The following SREK1IP1 variants were observed in gnomAD, a reference collection of about 807,000 sequenced individuals.
The protein encoded by SREK1IP1 is SREK1 interacting protein 1, also known as protein SREK1IP1.
A neutral mutation model predicts 22.8 loss-of-function variants in SREK1IP1; 12 were observed. The ratio of observed to expected loss-of-function variants is 0.53; its 90% CI spans 0.34 to 0.85. SREK1IP1 has a LOEUF of 0.85. Among genes scored for constraint, SREK1IP1 ranks in the 40% least tolerant of loss-of-function variants. The probability of loss-of-function intolerance (pLI) is 0.02; values close to 1 mark genes in which losing one functional copy is unlikely to be tolerated. For missense variants in SREK1IP1, 147 were observed against 171.8 expected (o/e 0.86, Z 0.81); for synonymous variants, 53 against 52.7 (o/e 1.01, Z -0.02).
chr5:64,726,649 T>C (rs1005801844), intron 4 of SREK1IP1, among the ~76,000 whole-genome samples: 1 of 152,002 alleles, frequency 6.6e-6, no homozygotes, highest in South Asian at 2.1e-4. Context: ...TAAATCTATC[T>C]GAAGCTGAAA....
chr5:64,721,587 A>AG lies in SREK1IP1; in HGVS notation c.*2796dup, dbSNP rs1742162642. On this transcript the variant is annotated 3_prime_UTR_variant, in exon 5 of 5. Transcript: ENST00000513458. ...AACATATGATATGCAAAAAAAAAAAAGGGGGAAATTGTGTGGTGAGAAGGT... is the reference window on the plus strand; with the variant it reads ...AACATATGATATGCAAAAAAAAAAAAGGGGGGAAATTGTGTGGTGAGAAGGT... 6.6e-6 allele frequency: 1 copy of AG among 151,358 alleles called. No individual in the cohort carries two copies. Among genetic ancestry groups the AG allele is most frequent in the African/African-American group, 2.4e-5 (1 of 41,378 alleles). The allele number at this position is 151,358 out of a possible 1,614,324, so 9.4% of individuals were successfully genotyped here.
chr5:64,741,964 G>A (rs930252576), intron 2 of SREK1IP1, among the ~76,000 whole-genome samples: 3 of 148,100 alleles, frequency 2.0e-5, no homozygotes, highest in African/African-American at 5.1e-5. Flanking sequence ...TCAACTTTTG[G>A]AACACTTTCT....
intron 2 of SREK1IP1, among the ~76,000 whole-genome samples, chr5:64,750,899 TAAAAAAG>T (rs1005394314): frequency 1.3e-4 from 20 of 152,136 alleles, no homozygotes; most frequent in Admixed American, 3.3e-4. Context: ...TTTTATACCT[TAAAAAAG>T]AAAAAAGAAA....
chr5:64,746,651 T>C (rs1254657542), intron 2 of SREK1IP1, among the ~76,000 whole-genome samples: 1 of 152,206 alleles, frequency 6.6e-6, no homozygotes, highest in African/African-American at 2.4e-5. Flanking sequence ...TTCATACCTA[T>C]GAGGATGATC....
At chr5:64,750,537 G>T (rs1001144849) in intron 2 of SREK1IP1, among the ~76,000 whole-genome samples, 1 of 152,114 alleles carries the variant, frequency 6.6e-6, no homozygotes, top group African/African-American at 2.4e-5. Context: ...ACCTGTTCAT[G>T]CATATTAGCA....
rs1019539764 is a variant in SREK1IP1 at position 64,754,269 on chromosome 5, T to C, written c.61+46A>G. Reference sequence around the variant, plus strand: ...ATTATATTGCCCAAAGAGGCCATGATTCCAGTATGAATAATGCAAAGCATG... The same window carrying C: ...ATTATATTGCCCAAAGAGGCCATGACTCCAGTATGAATAATGCAAAGCATG... On this transcript the variant is annotated intron_variant, in intron 2 of 4. Transcript: ENST00000513458. The C allele has an allele frequency of 1.9e-5, 30 of 1,587,872 alleles. No individual in the cohort carries two copies. The East Asian group carries it at 6.7e-4, about 35-fold the overall frequency.
At chr5:64,725,508 T>C (rs967617648) in intron 4 of SREK1IP1, among the ~76,000 whole-genome samples, 1 of 152,214 alleles carries the variant, frequency 6.6e-6, no homozygotes, top group Non-Finnish European at 1.5e-5. Flanking sequence ...GGTGCCAATG[T>C]AAATTCAGGA....
chr5:64,724,329 C>T lies in SREK1IP1; in HGVS notation c.*55G>A. ...ATATATAGCAAATTCCAAGGAAGGG[C>T]AAACACGTTTTAAAAACAAATTTTT... On this transcript the variant is annotated 3_prime_UTR_variant, in exon 5 of 5. Transcript: ENST00000513458. 1.4e-6 allele frequency: 2 copies of T among 1,437,256 alleles called. No homozygotes were observed. Among genetic ancestry groups the T allele is most frequent in the Non-Finnish European group, 1.9e-6 (2 of 1,073,766 alleles). 89.0% of individuals were successfully genotyped at this position (1,437,256 alleles called of 1,614,324 possible). A position where few individuals can be genotyped will look rare whatever the true frequency, so the allele number is the denominator to read the frequency against.
At chr5:64,749,950 T>G (rs536436809) in intron 2 of SREK1IP1, among the ~76,000 whole-genome samples, 2 of 152,330 alleles carry the variant, frequency 1.3e-5, no homozygotes, top group East Asian at 1.9e-4. Context: ...TCAGTATTAT[T>G]AGTATTCTCC....
At chr5:64,760,115 C>T (rs776927986) in intron 1 of SREK1IP1, among the ~76,000 whole-genome samples, 9 of 151,990 alleles carry the variant, frequency 5.9e-5, no homozygotes, top group African/African-American at 1.9e-4. Flanking sequence ...AAATCAATTA[C>T]GGTATGAAAT....
chr5:64,766,795 T>C (rs1318289736), intron 1 of SREK1IP1, among the ~76,000 whole-genome samples: 2 of 152,346 alleles, frequency 1.3e-5, no homozygotes, highest in Admixed American at 1.3e-4. Context: ...TCCCTCAGTG[T>C]CCTCATCTGT....
intron 2 of SREK1IP1, among the ~76,000 whole-genome samples, chr5:64,744,251 C>T (rs367850053): frequency 2.2e-4 from 33 of 152,218 alleles, no homozygotes; most frequent in African/African-American, 7.0e-4. Flanking sequence ...GGGTGCAAGA[C>T]GCTGGAAGTA....
At chr5:64,745,231 G>A (rs1409464947) in intron 2 of SREK1IP1, among the ~76,000 whole-genome samples, 1 of 152,032 alleles carries the variant, frequency 6.6e-6, no homozygotes, top group African/African-American at 2.4e-5. Flanking sequence ...CTCCTGCATT[G>A]TTACATGTTT....
At position 64,738,501 on chromosome 5, in the gene SREK1IP1, G is replaced by A. The variant is rs550416903; in HGVS notation, c.205+2556C>T. 3.0e-4 allele frequency among the ~76,000 whole-genome samples: 46 copies of A among 151,660 alleles called. 1 individual carries two copies. Among genetic ancestry groups the A allele is most frequent in the African/African-American group, 1.1e-3 (46 of 41,300 alleles). The stretch of plus-strand genomic sequence containing the variant: ...TAAAACATAATCCAAAAATGTATAC[G>A]GAACCACAAAAGACCCCATACAGCC... On this transcript the variant is annotated intron_variant, in intron 3 of 4. Transcript: ENST00000513458.
chr5:64,761,248 T>A (rs1429986518), intron 1 of SREK1IP1, among the ~76,000 whole-genome samples: 2 of 152,174 alleles, frequency 1.3e-5, no homozygotes, highest in Non-Finnish European at 2.9e-5. Flanking sequence ...TAACTTAAAG[T>A]AGCCATATAA....
chr5:64,754,117 AC>A (rs1742795177), intron 2 of SREK1IP1, among the ~76,000 whole-genome samples, 197 bp downstream of exon 2: 1 of 152,188 alleles, frequency 6.6e-6, no homozygotes. Flanking sequence ...ATACATAGCT[AC>A]CTGTTACTGG....
In SREK1IP1 at chr5:64,758,673, A is replaced by G. The variant is rs1008556919; in HGVS notation, c.14-4311T>C. Among the ~76,000 whole-genome samples the G allele has an allele frequency of 4.6e-5, 7 of 152,220 alleles. 1 individual carries two copies. Among genetic ancestry groups the G allele is most frequent in the African/African-American group, 1.7e-4 (7 of 41,458 alleles). The stretch of plus-strand genomic sequence containing the variant: ...CATTACTATTACTACAACAGAATAA[A>G]AATGTTGTAATAGATCTGAAATAAT... On this transcript the variant is annotated intron_variant, in intron 1 of 4. Coordinates refer to ENST00000513458, the MANE Select transcript of SREK1IP1 (RefSeq NM_173829.4).
In SREK1IP1 at chr5:64,720,642, G is replaced by A. The variant is rs898376167; in HGVS notation, c.*3742C>T. On this transcript the variant is annotated 3_prime_UTR_variant, in exon 5 of 5. Coordinates refer to ENST00000513458, the MANE Select transcript of SREK1IP1 (RefSeq NM_173829.4). ...CCTGCCCCAGACTCCAGAGTAGCTG[G>A]GAATACAGGTGCCTGTCACCACGTC... The A allele has an allele frequency of 6.6e-6, 1 of 152,094 alleles. No individual in the cohort carries two copies. Among genetic ancestry groups the A allele is most frequent in the Non-Finnish European group, 1.5e-5 (1 of 68,062 alleles). The allele number at this position is 152,094 out of a possible 1,614,324, so 9.4% of individuals were successfully genotyped here. A position where few individuals can be genotyped will look rare whatever the true frequency, so the allele number is the denominator to read the frequency against.
rs553241888 is a variant in SREK1IP1 at position 64,763,829 on chromosome 5, T to C, written c.13+4676A>G. ...GGGCCACACTGTTTTGGGCCACACT[T>C]GCACTGTACTTTTACAGCACTGTCA... On this transcript the variant is annotated intron_variant, in intron 1 of 4. Coordinates refer to ENST00000513458, the MANE Select transcript of SREK1IP1 (RefSeq NM_173829.4). Among the ~76,000 whole-genome samples, 31 of 152,354 alleles carry C rather than the reference T, an allele frequency of 2.0e-4. No homozygotes were observed. The South Asian group carries it at 3.5e-3, about 17-fold the overall frequency.
Sources: allele counts gnomAD v4.1 joint callset (sites outside exome capture counted in the v4.1 genomes callset), GRCh38; gene constraint gnomAD v4.1.1; transcripts MANE v1.5; gene names NCBI Gene and HGNC (gene_info 2026-07-23, HGNC 2026-07-21).